Variants in UBE2E1 observed in about 807,000 individuals in gnomAD.
The protein encoded by UBE2E1 is ubiquitin-conjugating enzyme E2 E1.
UBE2E1 carries 6 observed loss-of-function variants against 21.4 expected under a neutral mutation model. That is an observed-to-expected ratio of 0.28 (90% CI 0.15 to 0.55). The LOEUF (loss-of-function observed/expected upper bound fraction) is 0.55. Among genes scored for constraint, UBE2E1 ranks in the 20% least tolerant of loss-of-function variants. The pLI is 0.93. For synonymous variants in UBE2E1, 87 were observed against 82.7 expected (o/e 1.05, Z -0.28); for missense variants, 142 against 236.5 (o/e 0.60, Z 2.62).
intron 3 of UBE2E1, among the ~76,000 whole-genome samples, chr3:23,874,034 T>A (rs1220946376): frequency 6.6e-6 from 1 of 152,242 alleles, no homozygotes; most frequent in African/African-American, 2.4e-5. Context: ...TTGAACTCTG[T>A]ACTTGTGTCA....
chr3:23,858,492 G>GT (rs1700486175), intron 3 of UBE2E1, among the ~76,000 whole-genome samples: 1 of 151,950 alleles, frequency 6.6e-6, no homozygotes, highest in Non-Finnish European at 1.5e-5. Flanking sequence ...GCTGATTTTT[G>GT]TATTTTTTGT....
In UBE2E1 at chr3:23,830,715, A is replaced by G. The variant is rs185876471; in HGVS notation, c.203+19205A>G. On this transcript the variant is annotated intron_variant, in intron 3 of 5. Transcript: ENST00000306627. Reference sequence around the variant, plus strand: ...TCCCTGTTTAAGAGTGGCCTTGTCAATGCTCTCTGTGTATCATGTGTACAG... The same window carrying G: ...TCCCTGTTTAAGAGTGGCCTTGTCAGTGCTCTCTGTGTATCATGTGTACAG... 4.5e-4 allele frequency among the ~76,000 whole-genome samples: 68 copies of G among 152,310 alleles called. 1 individual carries two copies. Among genetic ancestry groups the G allele is most frequent in the East Asian group, 1.4e-3 (7 of 5,174 alleles).
chr3:23,849,326 TA>T (rs1700273297), intron 3 of UBE2E1, among the ~76,000 whole-genome samples: 1 of 152,192 alleles, frequency 6.6e-6, no homozygotes, highest in African/African-American at 2.4e-5. Flanking sequence ...TCTTTCTTTT[TA>T]AAAAAATTTT....
Position 23,890,694 on chromosome 3 carries a change from G to A in UBE2E1, c.*88G>A. On this transcript the variant is annotated 3_prime_UTR_variant, in exon 6 of 6. Coordinates refer to ENST00000306627, the MANE Select transcript of UBE2E1 (RefSeq NM_003341.5). ...AAGGGGTCAGGGAGGGTGGGAGTTG[G>A]TAAAGAGTAGGGTATTTCTATAACA... 2.6e-6 allele frequency: 3 copies of A among 1,144,326 alleles called. No homozygotes were observed. The highest frequency in any genetic ancestry group is 3.7e-6 in the Non-Finnish European group (3 of 807,636). The allele number at this position is 1,144,326 out of a possible 1,614,324, so 70.9% of individuals were successfully genotyped here.
intron 3 of UBE2E1, among the ~76,000 whole-genome samples, chr3:23,868,797 C>T (rs1292545139): frequency 6.6e-6 from 1 of 151,892 alleles, no homozygotes; most frequent in Non-Finnish European, 1.5e-5. Flanking sequence ...CAAGTATAAC[C>T]ACTATTAAGT....
intron 3 of UBE2E1, among the ~76,000 whole-genome samples, chr3:23,882,949 G>C (rs957413838): frequency 2.6e-5 from 4 of 152,198 alleles, no homozygotes; most frequent in African/African-American, 4.8e-5. Context: ...GAGGGAGCCA[G>C]CTCCAGCCTC....
intron 3 of UBE2E1, chr3:23,879,597 C>T: frequency 4.2e-6 from 1 of 236,730 alleles, no homozygotes; most frequent in Non-Finnish European, 8.6e-6. Flanking sequence ...CCATCCTTCC[C>T]TTCTCTTCAC....
chr3:23,845,744 G>C (rs868848842), intron 3 of UBE2E1, among the ~76,000 whole-genome samples: 2 of 151,974 alleles, frequency 1.3e-5, no homozygotes, highest in Non-Finnish European at 2.9e-5. Flanking sequence ...TTTGATCTCT[G>C]TTAGAACCGT....
rs562057568 is a variant in UBE2E1 at position 23,851,626 on chromosome 3, A to G, written c.204-35941A>G. On this transcript the variant is annotated intron_variant, in intron 3 of 5. Transcript: ENST00000306627. ...TGAGATGAGCCTGATTAACAAAGTG[A>G]GACCCTCTTCTCTATAAAGAATAAA... Among the ~76,000 whole-genome samples the G allele has an allele frequency of 2.0e-5, 3 of 152,142 alleles. No individual in the cohort carries two copies. In the East Asian group the frequency reaches 5.8e-4, roughly 29 times the overall value.
At position 23,876,180 on chromosome 3, in the gene UBE2E1, C is replaced by T. The variant is rs1559492646; in HGVS notation, c.204-11387C>T. 6.6e-6 allele frequency among the ~76,000 whole-genome samples: 1 copy of T among 152,178 alleles called. No individual in the cohort carries two copies. Among genetic ancestry groups the T allele is most frequent in the African/African-American group, 2.4e-5 (1 of 41,434 alleles). On this transcript the variant is annotated intron_variant, in intron 3 of 5. Coordinates refer to ENST00000306627, the MANE Select transcript of UBE2E1 (RefSeq NM_003341.5). The surrounding 1 kb of genome is among the most constrained non-coding windows in gnomAD (Gnocchi z 4.3). ...GATAGTTAACCTGAATGGTACATTC[C>T]TCACAGTACCAGAGCCTCTTCCTTT...
intron 3 of UBE2E1, among the ~76,000 whole-genome samples, chr3:23,817,421 C>CAAAAA (rs369690021): frequency 1.7e-3 from 70 of 41,408 alleles, no homozygotes; most frequent in African/African-American, 2.5e-3. Flanking sequence ...GACTCTGTCT[C>CAAAAA]AAAAAAAAAA....
At chr3:23,843,280 T>A (rs929608589) in intron 3 of UBE2E1, among the ~76,000 whole-genome samples, 1 of 152,196 alleles carries the variant, frequency 6.6e-6, no homozygotes, top group African/African-American at 2.4e-5. Flanking sequence ...CTGCAGGACA[T>A]ACAGTTCCTA....
intron 2 of UBE2E1, among the ~76,000 whole-genome samples, chr3:23,809,958 C>A (rs1699349247): frequency 6.6e-6 from 1 of 152,152 alleles, no homozygotes; most frequent in Non-Finnish European, 1.5e-5. Context: ...TGAACAAACC[C>A]CTTTCTAAAG....
intron 3 of UBE2E1, among the ~76,000 whole-genome samples, chr3:23,841,881 T>C (rs760674924): frequency 2.9e-4 from 44 of 152,142 alleles, no homozygotes; most frequent in Non-Finnish European, 3.2e-4. Flanking sequence ...GACGTATGTT[T>C]GGGGGTAGAT....
chr3:23,863,857 C>CT lies in UBE2E1; in HGVS notation c.204-23709dup, dbSNP rs532776355. Among the ~76,000 whole-genome samples the CT allele has an allele frequency of 3.0e-4, 45 of 152,262 alleles. No homozygotes were observed. In the East Asian group the frequency reaches 8.5e-3, roughly 29 times the overall value. ...AATTTTATCTTTTTTGAAGAAATCTCTCCCCAGAGCCATCTGACCTCTTCT... is the reference window on the plus strand; with the variant it reads ...AATTTTATCTTTTTTGAAGAAATCTCTTCCCCAGAGCCATCTGACCTCTTCT... On this transcript the variant is annotated intron_variant, in intron 3 of 5. Transcript: ENST00000306627. The surrounding 1 kb of genome is among the most constrained non-coding windows in gnomAD (Gnocchi z 4.3).
chr3:23,846,619 C>T (rs1043402719), intron 3 of UBE2E1, among the ~76,000 whole-genome samples: 3 of 144,120 alleles, frequency 2.1e-5, no homozygotes, highest in African/African-American at 7.8e-5. Flanking sequence ...TCACTTGAAC[C>T]CAGGGGGCGG....
At position 23,870,150 on chromosome 3, in the gene UBE2E1, T is replaced by C. The variant is rs952693590; in HGVS notation, c.204-17417T>C. Among the ~76,000 whole-genome samples the C allele has an allele frequency of 1.3e-5, 2 of 152,164 alleles. No homozygotes were observed. Among genetic ancestry groups the C allele is most frequent in the African/African-American group, 4.8e-5 (2 of 41,432 alleles). Reference sequence around the variant, plus strand: ...TGGGCTTCTTGGCTAATTCTCATTCTTGATGTGGTCTCTTCACACGGTCTC... The same window carrying C: ...TGGGCTTCTTGGCTAATTCTCATTCCTGATGTGGTCTCTTCACACGGTCTC... On this transcript the variant is annotated intron_variant, in intron 3 of 5. Transcript: ENST00000306627. This position sits in a 1 kb window ranked among gnomAD's most constrained non-coding sequence, Gnocchi z 4.2.
chr3:23,855,316 T>G (rs185824598), intron 3 of UBE2E1, among the ~76,000 whole-genome samples: 2 of 152,332 alleles, frequency 1.3e-5, no homozygotes, highest in African/African-American at 4.8e-5. Context: ...GATACGTTAA[T>G]TTTCATATTG....
At chr3:23,815,677 T>TC (rs559958802) in intron 3 of UBE2E1, among the ~76,000 whole-genome samples, 145 of 152,354 alleles carry the variant, frequency 9.5e-4, no homozygotes, top group African/African-American at 3.3e-3. Context: ...AGTGGAGTGT[T>TC]ACATACCTCG....
Sources: gnomAD v4.1 joint callset for allele counts (sites outside exome capture counted in the v4.1 genomes callset) on GRCh38, gnomAD v4.1.1 for gene constraint, Gnocchi (gnomAD v3.1) non-coding constraint, MANE v1.5 for transcripts, NCBI Gene and HGNC (gene_info 2026-07-23, HGNC 2026-07-21) for gene names.